The following NXPE4 variants were observed in gnomAD, a reference collection of about 807,000 sequenced individuals.
NXPE4 encodes NXPE family member 4.
NXPE4 carries 42 observed loss-of-function variants against 33.3 expected under a neutral mutation model. That is an observed-to-expected ratio of 1.26 (90% CI 0.98 to 1.63). NXPE4 has a LOEUF of 1.63. Ranked by LOEUF, NXPE4 falls within the 40% of genes most tolerant of loss-of-function variation. NXPE4 has a pLI of 0.00. For missense variants in NXPE4, 709 were observed against 647.6 expected, an observed-to-expected ratio of 1.09 and a Z score of -1.03; for synonymous variants, 253 against 234.9, an observed-to-expected ratio of 1.08 and a Z score of -0.71.
At chr11:114,603,953 C>G in the NXPE4 span, among the ~76,000 whole-genome samples, 2 of 151,500 alleles carry the variant, frequency 1.3e-5, no homozygotes, top group East Asian at 3.9e-4. Flanking sequence ...TGCCTCTTCT[C>G]CTAGGTAACT....
chr11:114,577,127 TTA>T (rs1231793838), intron 5 of NXPE4, among the ~76,000 whole-genome samples: 76 of 138,508 alleles, frequency 5.5e-4, no homozygotes, highest in African/African-American at 1.9e-3. Context: ...ATATATAAAG[TTA>T]TATATATATA....
the NXPE4 span, among the ~76,000 whole-genome samples, chr11:114,617,581 C>T: frequency 7.9e-5 from 12 of 151,984 alleles, no homozygotes; most frequent in South Asian, 2.1e-4. Context: ...CACGGGTAAC[C>T]GGTGTTACCC....
At chr11:114,635,910 A>T in the NXPE4 span, among the ~76,000 whole-genome samples, 1 of 152,074 alleles carries the variant, frequency 6.6e-6, no homozygotes, top group Non-Finnish European at 1.5e-5. Context: ...CATCAAGGAT[A>T]TTGGTCTAAA....
chr11:114,601,963 T>A, the NXPE4 span, among the ~76,000 whole-genome samples: 2 of 81,208 alleles, frequency 2.5e-5, no homozygotes, highest in Non-Finnish European at 4.3e-5. Context: ...TAATATTATA[T>A]ATTATATATT....
the NXPE4 span, among the ~76,000 whole-genome samples, chr11:114,652,113 G>A: frequency 6.6e-5 from 10 of 152,172 alleles, no homozygotes; most frequent in South Asian, 1.9e-3. Context: ...CTACTGCCTA[G>A]AGTGTTTCAC....
the NXPE4 span, among the ~76,000 whole-genome samples, chr11:114,652,707 C>G: frequency 1.2e-3 from 188 of 152,184 alleles, no homozygotes; most frequent in African/African-American, 4.3e-3. Context: ...GAGAACCTGA[C>G]TTGCTGAATG....
chr11:114,586,815 C>T lies in NXPE4; in HGVS notation c.97-3794G>A, dbSNP rs189228742. ...GCAACTTCCATGTCTCCTATCCACT[C>T]TCTGTATGCAATGCTTTAAAAATTT... On this transcript the variant is annotated intron_variant, in intron 2 of 5. Coordinates refer to ENST00000375478, the MANE Select transcript of NXPE4 (RefSeq NM_001077639.2). Among the ~76,000 whole-genome samples, 156 of 152,296 alleles carry T rather than the reference C, an allele frequency of 1.0e-3. 1 individual carries two copies. The highest frequency in any genetic ancestry group is 3.5e-3 in the African/African-American group (146 of 41,584).
rs192956484 is a variant in NXPE4, at chr11:114,582,667, C to G, written c.451G>C (p.Ala151Pro). Residue 151 changes from alanine to proline, a missense_variant, in exon 3 of 6, where the codon GCT becomes CCT. By Grantham distance (27) the Ala-to-Pro change is conservative. Transcript: ENST00000375478. ...RMSSPALMAGASGKVTDFNNG... is the reference protein window; with the variant it reads ...RMSSPALMAGPSGKVTDFNNG... The stretch of plus-strand genomic sequence containing the variant: ...TTGAAGTCAGTCACCTTTCCTGAAG[C>G]ACCTGCCATCAGCGCTGGGGAAGAC... 6.2e-7 allele frequency: 1 copy of G among 1,614,186 alleles called. No individual in the cohort carries two copies. The highest frequency in any genetic ancestry group is 8.5e-7 in the Non-Finnish European group (1 of 1,180,018).
At chr11:114,656,419 G>GA in the NXPE4 span, among the ~76,000 whole-genome samples, 1 of 152,042 alleles carries the variant, frequency 6.6e-6, no homozygotes, top group Non-Finnish European at 1.5e-5. Flanking sequence ...CACAGAATTA[G>GA]AAAAAACTAT....
intron 2 of NXPE4, among the ~76,000 whole-genome samples, chr11:114,592,651 A>T (rs1259679751): frequency 6.6e-6 from 1 of 152,134 alleles, no homozygotes; most frequent in Non-Finnish European, 1.5e-5. Context: ...AAATACCAAT[A>T]ATATTCTTCA....
rs1023264946 is a variant in NXPE4 at position 114,570,688 on chromosome 11, G to C, written c.*250C>G. The C allele has an allele frequency of 3.3e-6, 1 of 299,894 alleles. No individual in the cohort carries two copies. Among genetic ancestry groups the C allele is most frequent in the Non-Finnish European group, 6.1e-6 (1 of 164,392 alleles). The allele number at this position is 299,894 out of a possible 1,614,324, so 18.6% of individuals were successfully genotyped here. ...CCATAGGTGTCTTGACTTCCCATTGGTGAAGAGGGGTATGGCTCTGATCAA... is the reference window on the plus strand; with the variant it reads ...CCATAGGTGTCTTGACTTCCCATTGCTGAAGAGGGGTATGGCTCTGATCAA... On this transcript the variant is annotated 3_prime_UTR_variant, in exon 6 of 6. Transcript: ENST00000375478.
At chr11:114,583,818 T>C in intron 2 of NXPE4, 1 of 427,556 alleles carries the variant, frequency 2.3e-6, no homozygotes, top group Non-Finnish European at 4.5e-6. Context: ...GCCTTCTATA[T>C]TACAGGCTAG....
chr11:114,617,027 C>T, the NXPE4 span, among the ~76,000 whole-genome samples: 3 of 151,366 alleles, frequency 2.0e-5, no homozygotes, highest in African/African-American at 4.9e-5. Context: ...AGTATTTCCT[C>T]GTGGGTAACC....
chr11:114,597,370 T>G (rs1949586067), upstream of NXPE4, among the ~76,000 whole-genome samples: 1 of 152,216 alleles, frequency 6.6e-6, no homozygotes, highest in Non-Finnish European at 1.5e-5. Context: ...GACAAACTTT[T>G]TCTGTAAAGA....
At chr11:114,601,460 A>G in the NXPE4 span, among the ~76,000 whole-genome samples, 1 of 122,614 alleles carries the variant, frequency 8.2e-6, no homozygotes, top group African/African-American at 3.1e-5. Context: ...TATATTATAT[A>G]TAATATAAAA....
At chr11:114,599,854 G>T (rs1348910897), upstream of NXPE4, among the ~76,000 whole-genome samples, 9 of 152,048 alleles carry the variant, frequency 5.9e-5, no homozygotes, top group African/African-American at 2.2e-4. Flanking sequence ...CAACACTGGG[G>T]ATTAGAATTC....
chr11:114,571,996 A>G (rs1948900104), intron 5 of NXPE4, among the ~76,000 whole-genome samples: 2 of 152,198 alleles, frequency 1.3e-5, no homozygotes, highest in African/African-American at 4.8e-5. Flanking sequence ...CACAGAGTCC[A>G]CTTCACTCCC....
the NXPE4 span, among the ~76,000 whole-genome samples, chr11:114,675,110 GA>G: frequency 1.3e-5 from 2 of 151,428 alleles, no homozygotes; most frequent in Non-Finnish European, 1.5e-5. Context: ...CTTTTCATGA[GA>G]AAAAAACTCT....
At chr11:114,632,028 CT>C in the NXPE4 span, among the ~76,000 whole-genome samples, 1 of 145,320 alleles carries the variant, frequency 6.9e-6, no homozygotes, top group Admixed American at 7.1e-5. Context: ...AATAATTATA[CT>C]TTATATATAA....
Sources: allele counts gnomAD v4.1 joint callset (sites outside exome capture counted in the v4.1 genomes callset), GRCh38; gene constraint gnomAD v4.1.1; transcripts MANE v1.5; gene names NCBI Gene and HGNC (gene_info 2026-07-23, HGNC 2026-07-21).